ANO3: variants seen among roughly 807,000 people sequenced by gnomAD.
The protein encoded by ANO3 is anoctamin-3.
A neutral mutation model predicts 144.8 loss-of-function variants in ANO3; 99 were observed. That is an observed-to-expected ratio of 0.68 (90% confidence interval 0.58 to 0.81). ANO3 has a LOEUF of 0.81. ANO3 is among the 30% of genes least tolerant of loss of function. The pLI is 0.00. For synonymous variants in ANO3, 414 were observed against 392.6 expected (o/e 1.05, Z -0.64); for missense variants, 905 against 1,202.2 (o/e 0.75, Z 3.66).
chr11:26,361,831 C>T (rs1855936175), intron 1 of ANO3, among the ~76,000 whole-genome samples: 1 of 152,130 alleles, frequency 6.6e-6, no homozygotes, highest in Admixed American at 6.5e-5. Flanking sequence ...TTATATTCTG[C>T]CTCTGCCTGT....
At chr11:26,522,795 A>G (rs1374913209) in intron 6 of ANO3, among the ~76,000 whole-genome samples, 2 of 152,194 alleles carry the variant, frequency 1.3e-5, no homozygotes, top group African/African-American at 4.8e-5. Context: ...TTCGTTATTG[A>G]ATAAATATTA....
At chr11:26,236,681 G>A (rs905313536) in intron 1 of ANO3, among the ~76,000 whole-genome samples, 8 of 151,956 alleles carry the variant, frequency 5.3e-5, no homozygotes, top group Non-Finnish European at 7.4e-5. Context: ...AGCCGGGCAT[G>A]GTGGCGGGCG....
chr11:26,541,437 A>G (rs975028789), intron 10 of ANO3, among the ~76,000 whole-genome samples: 6 of 152,186 alleles, frequency 3.9e-5, no homozygotes, highest in African/African-American at 1.4e-4. Context: ...CAGAACATAA[A>G]TTATAATAAA....
intron 21 of ANO3, among the ~76,000 whole-genome samples, chr11:26,640,699 C>T (rs1853120619): frequency 6.6e-6 from 1 of 152,036 alleles, no homozygotes; most frequent in Non-Finnish European, 1.5e-5. Flanking sequence ...CAGTCTGGAT[C>T]ACATATATCA....
At chr11:26,251,569 C>A (rs1590216539) in intron 1 of ANO3, among the ~76,000 whole-genome samples, 1 of 152,104 alleles carries the variant, frequency 6.6e-6, no homozygotes, top group African/African-American at 2.4e-5. Flanking sequence ...AAGTAAAAGG[C>A]AGCAAAGGAT....
At chr11:26,609,642 T>C (rs1157097094) in intron 17 of ANO3, among the ~76,000 whole-genome samples, 1 of 152,094 alleles carries the variant, frequency 6.6e-6, no homozygotes, top group Non-Finnish European at 1.5e-5. Context: ...TATTCATCCA[T>C]TGAAGGACAT....
At chr11:26,625,931 G>T (rs4923371) in intron 18 of ANO3, among the ~76,000 whole-genome samples, 136,556 of 152,238 alleles carry the variant, frequency 0.9, 61,457 homozygotes, top group Non-Finnish European at 0.93. Flanking sequence ...AAACTTTGTA[G>T]ATCTGAAAAT....
chr11:26,491,845 G>A (rs1488511305), intron 4 of ANO3, among the ~76,000 whole-genome samples: 1 of 151,846 alleles, frequency 6.6e-6, no homozygotes, highest in Non-Finnish European at 1.5e-5. Context: ...ATAATTTTTT[G>A]AAGTTTTCTG....
intron 4 of ANO3, among the ~76,000 whole-genome samples, chr11:26,495,074 C>CATTT (rs56862775): frequency 0.13 from 18,239 of 143,148 alleles, 1,248 homozygotes; most frequent in African/African-American, 0.15. Context: ...TAAATATCTA[C>CATTT]ATTTATTTAT....
chr11:26,485,500 G>T (rs1218870244), intron 4 of ANO3, among the ~76,000 whole-genome samples: 2 of 152,044 alleles, frequency 1.3e-5, no homozygotes, highest in East Asian at 1.9e-4. Context: ...CACGCTTCCT[G>T]TACAGCCTGC....
At chr11:26,457,636 A>T (rs1278381573) in intron 3 of ANO3, among the ~76,000 whole-genome samples, 2 of 152,172 alleles carry the variant, frequency 1.3e-5, no homozygotes, top group African/African-American at 4.8e-5. Context: ...AAAAACTGTA[A>T]CGGACTCACT....
chr11:26,596,628 A>G (rs768332460), intron 14 of ANO3, among the ~76,000 whole-genome samples: 4 of 152,188 alleles, frequency 2.6e-5, no homozygotes, highest in Non-Finnish European at 5.9e-5. Context: ...AACCTGCTCT[A>G]ATACTTGGGA....
At chr11:26,524,418 A>T (rs940176342) in intron 6 of ANO3, among the ~76,000 whole-genome samples, 3 of 152,196 alleles carry the variant, frequency 2.0e-5, no homozygotes, top group Admixed American at 2.0e-4. Context: ...AAGGGACTGC[A>T]ATGAAATATG....
At chr11:26,244,510 A>G (rs1852739521) in intron 1 of ANO3, among the ~76,000 whole-genome samples, 1 of 152,204 alleles carries the variant, frequency 6.6e-6, no homozygotes, top group South Asian at 2.1e-4. Flanking sequence ...AGTCCTGTAC[A>G]TAGCAAAGAA....
intron 11 of ANO3, among the ~76,000 whole-genome samples, chr11:26,546,251 T>C (rs952267132): frequency 2.6e-5 from 4 of 151,918 alleles, no homozygotes. Context: ...AAATGAATGT[T>C]CTATTGATCT....
At chr11:26,535,046 G>A (rs2134191698) in intron 9 of ANO3, among the ~76,000 whole-genome samples, 1 of 152,210 alleles carries the variant, frequency 6.6e-6, no homozygotes, top group South Asian at 2.1e-4. Flanking sequence ...CAAAGTATAT[G>A]ACATAAGCCC....
chr11:26,544,259 TATATATATATATATAC>T (rs1470099648), intron 11 of ANO3, among the ~76,000 whole-genome samples: 2 of 74,894 alleles, frequency 2.7e-5, no homozygotes, highest in Non-Finnish European at 5.5e-5. Flanking sequence ...TACATATATA[TATATATATATATATAC>T]ACACATACAC....
intron 1 of ANO3, among the ~76,000 whole-genome samples, chr11:26,418,925 T>C (rs1273306762): frequency 1.3e-5 from 2 of 152,204 alleles, no homozygotes; most frequent in East Asian, 3.9e-4. Flanking sequence ...GGGGTGGGGC[T>C]CTAACCCATG....
chr11:26,366,174 G>A (rs1856077542), intron 1 of ANO3, among the ~76,000 whole-genome samples: 3 of 151,852 alleles, frequency 2.0e-5, no homozygotes, highest in East Asian at 1.9e-4. Flanking sequence ...GCTCCGGTGT[G>A]TGATGTTCCC....
Sources: allele counts gnomAD v4.1 joint callset (sites outside exome capture counted in the v4.1 genomes callset), GRCh38; gene constraint gnomAD v4.1.1; transcripts MANE v1.5; gene names NCBI Gene and HGNC (gene_info 2026-07-23, HGNC 2026-07-21).